FHL5: variants seen among roughly 807,000 people sequenced by gnomAD.
The protein encoded by FHL5 is four and a half LIM domains 5, also known as four and a half LIM domains protein 5.
FHL5 carries 33 observed loss-of-function variants against 32.0 expected under a neutral mutation model. The observed-to-expected ratio is 1.03, with a 90% CI of 0.78 to 1.38. The LOEUF (loss-of-function observed/expected upper bound fraction) is 1.38, where lower values mean the gene tolerates loss of function less well. Ranked by LOEUF, FHL5 falls within the 40% of genes most tolerant of loss-of-function variation. The probability of loss-of-function intolerance (pLI) is 0.00; values close to 1 mark genes in which losing one functional copy is unlikely to be tolerated. For missense variants in FHL5, 336 were observed against 343.9 expected, an observed-to-expected ratio of 0.98 and a Z score of 0.18; for synonymous variants, 114 against 113.6, an observed-to-expected ratio of 1.00 and a Z score of -0.02.
intron 4 of FHL5, 73 bp downstream of exon 4, chr6:96,606,144 T>C (rs1033192365): frequency 1.3e-5 from 16 of 1,264,706 alleles, no homozygotes; most frequent in Admixed American, 3.7e-5. Context: ...ATATTTAGAA[T>C]GAACTGATAC....
chr6:96,588,265 C>T (rs983464932), intron 1 of FHL5, among the ~76,000 whole-genome samples: 1 of 152,162 alleles, frequency 6.6e-6, no homozygotes, highest in Non-Finnish European at 1.5e-5. Context: ...GGCTGGAGTG[C>T]AATGGCACAA....
intron 1 of FHL5, among the ~76,000 whole-genome samples, chr6:96,596,429 C>T (rs897230375): frequency 4.6e-5 from 7 of 152,072 alleles, no homozygotes; most frequent in African/African-American, 1.7e-4. Flanking sequence ...TTAGTGTCTC[C>T]AAACTATTCT....
chr6:96,605,896 G>C lies in FHL5; in HGVS notation c.335-6G>C, dbSNP rs776642507. 11 of 1,613,566 alleles carry C rather than the reference G, an allele frequency of 6.8e-6. No individual in the cohort carries two copies. The East Asian group carries it at 1.8e-4, about 26-fold the overall frequency. On this transcript the variant is annotated splice_polypyrimidine_tract_variant and splice_region_variant and intron_variant, in intron 3 of 5. Transcript: ENST00000450218. ...ATACTAACATGGCCTTACTTTTGGA[G>C]TACAGGTTCCCGCAAAATGGAATTT...
chr6:96,592,120 A>T (rs542514117), intron 1 of FHL5, among the ~76,000 whole-genome samples: 29 of 152,234 alleles, frequency 1.9e-4, no homozygotes, highest in African/African-American at 6.7e-4. Flanking sequence ...TTTGAGAGCA[A>T]CCTGTCTGAC....
Position 96,618,084 on chromosome 6 carries a change from T to A in FHL5, c.*2312T>A, listed in dbSNP as rs1019215035. Among the ~76,000 whole-genome samples the A allele has an allele frequency of 3.9e-5, 6 of 152,166 alleles. No individual in the cohort carries two copies. The highest frequency in any genetic ancestry group is 8.8e-5 in the Non-Finnish European group (6 of 68,022). On this transcript the variant is annotated 3_prime_UTR_variant, in exon 6 of 6. Coordinates refer to ENST00000450218, the MANE Select transcript of FHL5 (RefSeq NM_001322466.2). ...CAGGTTAAACAAAGCACCACATATG[T>A]AGACATAGCACACATATGCAAAACA...
chr6:96,582,048 T>C (rs1403160743), intron 1 of FHL5, among the ~76,000 whole-genome samples: 3 of 152,144 alleles, frequency 2.0e-5, no homozygotes, highest in Non-Finnish European at 4.4e-5. Flanking sequence ...ATACTAAACC[T>C]TGTCACTAAA....
In FHL5 at chr6:96,606,213, A is replaced by G; in HGVS notation, c.504+142A>G. On this transcript the variant is annotated intron_variant, in intron 4 of 5. Transcript: ENST00000450218. ...GTAGTTTGGACTTTCAACATGTCCAAACCACTAGTTGTCACGATGAGCATG... is the reference window on the plus strand; with the variant it reads ...GTAGTTTGGACTTTCAACATGTCCAGACCACTAGTTGTCACGATGAGCATG... 3 of 602,576 alleles carry G rather than the reference A, an allele frequency of 5.0e-6. No individual in the cohort carries two copies. The East Asian group carries it at 8.8e-5, about 18-fold the overall frequency. The allele number at this position is 602,576 out of a possible 1,614,324, so 37.3% of individuals were successfully genotyped here. A position where few individuals can be genotyped will look rare whatever the true frequency, so the allele number is the denominator to read the frequency against.
At chr6:96,597,212 A>G (rs1215890822) in intron 1 of FHL5, among the ~76,000 whole-genome samples, 2 of 151,556 alleles carry the variant, frequency 1.3e-5, no homozygotes, top group Non-Finnish European at 2.9e-5. Context: ...ATACCAATAT[A>G]ATTTAATATG....
At chr6:96,588,100 A>C (rs982943292) in intron 1 of FHL5, among the ~76,000 whole-genome samples, 1 of 152,254 alleles carries the variant, frequency 6.6e-6, no homozygotes, top group Non-Finnish European at 1.5e-5. Flanking sequence ...GTTGAGTCAC[A>C]TGAAAGGTAT....
chr6:96,589,796 T>C (rs1770877711), intron 1 of FHL5, among the ~76,000 whole-genome samples: 1 of 152,070 alleles, frequency 6.6e-6, no homozygotes, highest in Non-Finnish European at 1.5e-5. Context: ...GGATTATTGC[T>C]TTGTCCTAAC....
chr6:96,613,616 T>C (rs1771458917), intron 5 of FHL5, among the ~76,000 whole-genome samples: 1 of 152,222 alleles, frequency 6.6e-6, no homozygotes, highest in South Asian at 2.1e-4. Context: ...ATTTCAAATG[T>C]TGTGGCTTCT....
chr6:96,604,507 G>C (rs1225314940), intron 2 of FHL5, among the ~76,000 whole-genome samples: 1 of 151,972 alleles, frequency 6.6e-6, no homozygotes, highest in Non-Finnish European at 1.5e-5. Context: ...TGAAGACACA[G>C]CAGAGAATGT....
intron 1 of FHL5, among the ~76,000 whole-genome samples, chr6:96,583,185 A>G (rs1371921921): frequency 6.6e-6 from 1 of 152,194 alleles, no homozygotes; most frequent in Non-Finnish European, 1.5e-5. Flanking sequence ...AAGTACACAC[A>G]GATCTGTTCA....
chr6:96,607,406 TAC>T (rs3839357), intron 4 of FHL5, among the ~76,000 whole-genome samples: 4,062 of 148,392 alleles, frequency 0.027, 58 homozygotes, highest in Non-Finnish European at 0.033. Flanking sequence ...CACATGCACA[TAC>T]ACACACACAC....
intron 1 of FHL5, among the ~76,000 whole-genome samples, chr6:96,602,264 G>A (rs1015634721): frequency 4.6e-5 from 7 of 151,784 alleles, no homozygotes; most frequent in Non-Finnish European, 1.0e-4. Flanking sequence ...AAATTATGTG[G>A]GGGGAGAATT....
At chr6:96,602,411 C>G (rs1771167336) in intron 1 of FHL5, among the ~76,000 whole-genome samples, 1 of 98,674 alleles carries the variant, frequency 1.0e-5, no homozygotes, top group South Asian at 3.8e-4. Flanking sequence ...ACCTGGAAAT[C>G]TATATGCGTT....
intron 1 of FHL5, among the ~76,000 whole-genome samples, chr6:96,573,087 C>A (rs1254835154): frequency 1.3e-5 from 2 of 152,136 alleles, no homozygotes; most frequent in African/African-American, 4.8e-5. Flanking sequence ...TTTGACAGTA[C>A]CAAAAAGTCA....
intron 1 of FHL5, among the ~76,000 whole-genome samples, chr6:96,575,937 T>C (rs1770575461): frequency 1.3e-5 from 2 of 152,216 alleles, no homozygotes; most frequent in African/African-American, 4.8e-5. Flanking sequence ...AGCTCTGACA[T>C]GTAAAAAGAA....
chr6:96,611,070 G>A (rs980469137), intron 5 of FHL5, among the ~76,000 whole-genome samples: 6 of 152,196 alleles, frequency 3.9e-5, no homozygotes, highest in Non-Finnish European at 8.8e-5. Flanking sequence ...GCCTTCACGA[G>A]GAGATCTGCT....
Sources: gnomAD v4.1 joint callset for allele counts (sites outside exome capture counted in the v4.1 genomes callset) on GRCh38, gnomAD v4.1.1 for gene constraint, MANE v1.5 for transcripts, NCBI Gene and HGNC (gene_info 2026-07-23, HGNC 2026-07-21) for gene names.